DAAM2: variants seen among roughly 807,000 people sequenced by gnomAD.
DAAM2 encodes disheveled-associated activator of morphogenesis 2.
In DAAM2, 39 loss-of-function variants were observed where a neutral mutation model predicts 120.7. The observed-to-expected ratio is 0.32, with a 90% CI of 0.25 to 0.42. The LOEUF is 0.42. Ranked by LOEUF, DAAM2 falls within the 10% of genes least tolerant of loss-of-function variation. DAAM2 has a pLI of 1.00. For synonymous variants in DAAM2, 488 were observed against 524.9 expected (o/e 0.93, Z 0.96); for missense variants, 1,283 against 1,401.7 (o/e 0.92, Z 1.35).
chr6:39,820,389 G>T (rs770916829), intron 1 of DAAM2: 5 of 152,176 alleles, frequency 3.3e-5, no homozygotes, highest in Non-Finnish European at 7.3e-5. Context: ...AAACCTGCCT[G>T]TGGATCTATA....
chr6:39,824,769 G>A (rs11968449), intron 1 of DAAM2, among the ~76,000 whole-genome samples: 9,533 of 152,216 alleles, frequency 0.063, 368 homozygotes, highest in Middle Eastern at 0.075. Flanking sequence ...AAGTCGCATG[G>A]TTGGGAAGCC....
rs1048932440 is a variant in DAAM2, at chr6:39,901,044, A to G, written c.2812-258A>G. ...TCCCAAGGTCTATACCCCTGACCTCATGCCTACCCCTTACAGGCCCAGGGG... is the reference window on the plus strand; with the variant it reads ...TCCCAAGGTCTATACCCCTGACCTCGTGCCTACCCCTTACAGGCCCAGGGG... On this transcript the variant is annotated intron_variant, in intron 23 of 24. Transcript: ENST00000274867. The surrounding 1 kb of genome is among the most constrained non-coding windows in gnomAD (Gnocchi z 4.5). Among the ~76,000 whole-genome samples, 1 of 152,104 alleles carries G rather than the reference A, an allele frequency of 6.6e-6. No individual in the cohort carries two copies. The highest frequency in any genetic ancestry group is 1.5e-5 in the Non-Finnish European group (1 of 67,998).
chr6:39,793,751 T>G lies in DAAM2; in HGVS notation c.-57+1286T>G, dbSNP rs562845288. 1.0e-3 allele frequency among the ~76,000 whole-genome samples: 156 copies of G among 152,314 alleles called. 1 individual carries two copies. The highest frequency in any genetic ancestry group is 3.4e-3 in the Middle Eastern group (1 of 294). On this transcript the variant is annotated intron_variant, in intron 1 of 24. Transcript: ENST00000274867. ...TAGGGGAAAAAAGCAGCAGTGAGGC[T>G]GTATCGATCCATCATCCCTGAGTAG...
At chr6:39,795,082 C>T (rs773811241) in intron 1 of DAAM2, among the ~76,000 whole-genome samples, 6 of 152,098 alleles carry the variant, frequency 3.9e-5, no homozygotes, top group Non-Finnish European at 7.3e-5. Flanking sequence ...TCACTATGGC[C>T]GGGATGAATT....
intron 8 of DAAM2, among the ~76,000 whole-genome samples, chr6:39,870,703 G>A (rs1764625470): frequency 6.6e-6 from 1 of 152,218 alleles, no homozygotes; most frequent in African/African-American, 2.4e-5. Flanking sequence ...GGGGGCATGT[G>A]GAAATATATG....
intron 14 of DAAM2, chr6:39,882,302 G>T (rs1242544320): frequency 6.6e-6 from 1 of 152,204 alleles, no homozygotes; most frequent in Non-Finnish European, 1.5e-5. Context: ...CCTTCTGGCA[G>T]ATGCTGGAAG....
chr6:39,805,009 T>G (rs1030352421), intron 1 of DAAM2, among the ~76,000 whole-genome samples: 2 of 152,148 alleles, frequency 1.3e-5, no homozygotes, highest in Admixed American at 6.5e-5. Flanking sequence ...CCCCTGTGAC[T>G]GGGAATTTTT....
chr6:39,816,853 T>G (rs1762324168), intron 1 of DAAM2, among the ~76,000 whole-genome samples: 1 of 152,232 alleles, frequency 6.6e-6, no homozygotes, highest in South Asian at 2.1e-4. Flanking sequence ...TCTAGTCCTG[T>G]TAACGCTCCC....
intron 15 of DAAM2, chr6:39,885,144 C>T (rs9471201): frequency 0.023 from 3,480 of 152,446 alleles, 123 homozygotes; most frequent in African/African-American, 0.078. Context: ...GTTGCCCTAG[C>T]TCACTTTCTG....
Position 39,879,178 on chromosome 6 carries a change from A to G in DAAM2, c.1546A>G (p.Thr516Ala), listed in dbSNP as rs1448308465. The G allele has an allele frequency of 2.6e-5, 40 of 1,543,214 alleles. No individual in the cohort carries two copies. The highest frequency in any genetic ancestry group is 3.3e-5 in the Non-Finnish European group (38 of 1,142,758). ...TTGCAATTTTTCTGTTTCCTCACAGACAGGCCCTGTATCTTCCCCACCACC... is the reference window on the plus strand; with the variant it reads ...TTGCAATTTTTCTGTTTCCTCACAGGCAGGCCCTGTATCTTCCCCACCACC... ...ELVAQLSELS[T>A]GPVSSPPPPG... The change falls in exon 14 of 25, where the codon ACA becomes GCA. Residue 516 changes from threonine (T) to alanine (A), a missense_variant and splice_region_variant. Coordinates refer to ENST00000274867, the MANE Select transcript of DAAM2 (RefSeq NM_001201427.2).
At chr6:39,875,055 G>A (rs1764814310) in intron 10 of DAAM2, among the ~76,000 whole-genome samples, 1 of 152,178 alleles carries the variant, frequency 6.6e-6, no homozygotes, top group African/African-American at 2.4e-5. Flanking sequence ...TCCAAACAAG[G>A]AAGAAAGGCA....
At chr6:39,852,531 G>A (rs1388180298) in intron 1 of DAAM2, among the ~76,000 whole-genome samples, 1 of 152,218 alleles carries the variant, frequency 6.6e-6, no homozygotes, top group African/African-American at 2.4e-5. Flanking sequence ...GCTGAGGCTT[G>A]CAGGCTCTGG....
At chr6:39,827,992 C>T (rs562947482) in intron 1 of DAAM2, among the ~76,000 whole-genome samples, 10 of 152,268 alleles carry the variant, frequency 6.6e-5, no homozygotes, top group South Asian at 2.1e-4. Flanking sequence ...GTCTCTCTAA[C>T]GCCTCCTCCT....
chr6:39,828,532 T>A (rs1205824494), intron 1 of DAAM2, among the ~76,000 whole-genome samples: 1 of 151,380 alleles, frequency 6.6e-6, no homozygotes, highest in South Asian at 2.1e-4. Context: ...ATGGAAGGGC[T>A]AAAAGGGCCT....
intron 1 of DAAM2, among the ~76,000 whole-genome samples, chr6:39,816,980 G>T (rs1052757140): frequency 1.3e-5 from 2 of 152,208 alleles, no homozygotes; most frequent in African/African-American, 4.8e-5. Context: ...TAACATTCTT[G>T]TTGCCGTAGT....
chr6:39,897,410 T>A (rs1406416695), intron 21 of DAAM2, 128 bp downstream of exon 21: 9 of 633,574 alleles, frequency 1.4e-5, no homozygotes, highest in Non-Finnish European at 2.2e-5. Flanking sequence ...TCTTCTGAGT[T>A]CAAAAGAATT....
chr6:39,871,677 T>A, intron 9 of DAAM2, 105 bp downstream of exon 9: 1 of 1,039,696 alleles, frequency 9.6e-7, no homozygotes, highest in Non-Finnish European at 1.4e-6. Context: ...TGGTGTGGGC[T>A]GGTTCCCTGG....
At chr6:39,836,833 G>A (rs1048894895) in intron 1 of DAAM2, among the ~76,000 whole-genome samples, 27 of 152,270 alleles carry the variant, frequency 1.8e-4, no homozygotes, top group Non-Finnish European at 3.4e-4. Flanking sequence ...TCCGGATAGA[G>A]GGCAAGATAC....
chr6:39,825,390 A>G (rs1415814396), intron 1 of DAAM2, among the ~76,000 whole-genome samples: 1 of 31,430 alleles, frequency 3.2e-5, no homozygotes, highest in Admixed American at 5.7e-4. Context: ...TGTTTAAAAC[A>G]AAACAAAACA....
Sources: allele counts gnomAD v4.1 joint callset (sites outside exome capture counted in the v4.1 genomes callset), GRCh38; gene constraint gnomAD v4.1.1; non-coding constraint Gnocchi (gnomAD v3.1); transcripts MANE v1.5; gene names NCBI Gene and HGNC (gene_info 2026-07-23, HGNC 2026-07-21).